CRISP3: variants seen among roughly 807,000 people sequenced by gnomAD.
The protein encoded by CRISP3 is cysteine rich secretory protein 3.
In CRISP3, 33 loss-of-function variants were observed where a neutral mutation model predicts 36.1. The ratio of observed to expected loss-of-function variants is 0.91; its 90% confidence interval spans 0.69 to 1.22. CRISP3 has a LOEUF of 1.22. Among genes scored for constraint, CRISP3 ranks in the 50% most tolerant of loss-of-function variants. The probability of loss-of-function intolerance (pLI) is 0.00; values close to 1 mark genes in which losing one functional copy is unlikely to be tolerated. For synonymous variants in CRISP3, 117 were observed against 104.6 expected, an observed-to-expected ratio of 1.12 and a Z score of -0.72; for missense variants, 330 against 301.2, an observed-to-expected ratio of 1.10 and a Z score of -0.71.
rs1221721186 is a variant in CRISP3 at position 49,728,580 on chromosome 6, C to T, written c.*150G>A. 5.1e-6 allele frequency: 3 copies of T among 591,560 alleles called. No homozygotes were observed. In the East Asian group the frequency reaches 9.7e-5, roughly 19 times the overall value. 36.6% of individuals were successfully genotyped at this position (591,560 alleles called of 1,614,324 possible). A position where few individuals can be genotyped will look rare whatever the true frequency, so the allele number is the denominator to read the frequency against. On this transcript the variant is annotated 3_prime_UTR_variant, in exon 8 of 8. Coordinates refer to ENST00000263045, the MANE Select transcript of CRISP3 (RefSeq NM_006061.4). Reference sequence around the variant, plus strand: ...AAAAATATTTTTGTAAAATAAAAAGCAGATCCAGAAGAAAAACATTTGAAA... The same window carrying T: ...AAAAATATTTTTGTAAAATAAAAAGTAGATCCAGAAGAAAAACATTTGAAA...
intron 1 of CRISP3, 128 bp from the exon 2 acceptor site, chr6:49,737,526 G>A (rs1769089128): frequency 1.1e-6 from 1 of 944,354 alleles, no homozygotes; most frequent in African/African-American, 1.6e-5. Flanking sequence ...TGTAACAGGA[G>A]AAGACTTGTC....
chr6:49,744,193 A>C, intron 1 of CRISP3, 138 bp downstream of exon 1: 1 of 565,168 alleles, frequency 1.8e-6, no homozygotes, highest in Non-Finnish European at 2.9e-6. Flanking sequence ...AATTACTCTC[A>C]TTAAAAGTTA....
At position 49,733,227 on chromosome 6, in the gene CRISP3, T is replaced by G. The variant is rs1352100458; in HGVS notation, c.528A>C (p.Leu176=). The G allele has an allele frequency of 6.2e-7, 1 of 1,610,352 alleles. No individual in the cohort carries two copies. Among genetic ancestry groups the G allele is most frequent in the Admixed American group, 1.7e-5 (1 of 59,718 alleles). Residue 176 remains leucine (L), a synonymous_variant, in exon 6 of 8, where the codon CTA becomes CTC. Transcript: ENST00000263045. ...AATATTGGCAAACATAGTAGTATTT[T>G]AGAACTTTTTGATTGGGACAGTAGG... The part of the protein sequence containing the change: ...GNAYCPNQKV[L]KYYYVCQYCP...
chr6:49,735,704 G>T, intron 3 of CRISP3, 113 bp from the exon 4 acceptor site: 1 of 666,276 alleles, frequency 1.5e-6, no homozygotes, highest in South Asian at 2.1e-5. Context: ...TTCTGTACAA[G>T]CATCTTCTGA....
chr6:49,735,677 T>TA, intron 3 of CRISP3, 86 bp from the exon 4 acceptor site: 1 of 914,626 alleles, frequency 1.1e-6, no homozygotes, highest in Non-Finnish European at 1.7e-6. Flanking sequence ...ATAGGTTGAT[T>TA]TACATCATCA....
rs113739949 is a variant in CRISP3, at chr6:49,738,475, T to C, written c.38-1077A>G. Among the ~76,000 whole-genome samples the C allele has an allele frequency of 6.3e-3, 961 of 152,274 alleles. 6 individuals carry two copies. Among genetic ancestry groups the C allele is most frequent in the African/African-American group, 0.021 (873 of 41,558 alleles). On this transcript the variant is annotated intron_variant, in intron 1 of 7. Transcript: ENST00000263045. ...GAACAAATAGTATATGGTAGATCCT[T>C]AGCCTTCTGATTTGGACTGAACGTT...
chr6:49,734,730 A>G (rs1364601422), intron 4 of CRISP3, among the ~76,000 whole-genome samples: 1 of 152,164 alleles, frequency 6.6e-6, no homozygotes, highest in Non-Finnish European at 1.5e-5. Flanking sequence ...TATAGATAAC[A>G]GTGGCTGTCC....
intron 1 of CRISP3, among the ~76,000 whole-genome samples, chr6:49,743,131 TAA>T (rs905746135): frequency 1.1e-4 from 16 of 152,238 alleles, no homozygotes; most frequent in African/African-American, 3.6e-4. Context: ...AAGAAATTCG[TAA>T]AGATATCCAA....
Position 49,735,505 on chromosome 6 carries a change from T to A in CRISP3, c.315A>T (p.Thr105=). ...YRHSNPKDRM[T]SLKCGENLYM... Reference sequence around the variant, plus strand: ...ACAAATATTTCCTAATTTACATACTTGTCATTCGATCCTTTGGGTTACTGT... The same window carrying A: ...ACAAATATTTCCTAATTTACATACTAGTCATTCGATCCTTTGGGTTACTGT... Residue 105 remains threonine, a splice_region_variant and synonymous_variant, in exon 4 of 8, where the codon ACA becomes ACT. Coordinates refer to ENST00000263045, the MANE Select transcript of CRISP3 (RefSeq NM_006061.4). 1.2e-6 allele frequency: 2 copies of A among 1,603,282 alleles called. No homozygotes were observed. The highest frequency in any genetic ancestry group is 1.7e-6 in the Non-Finnish European group (2 of 1,172,252).
At chr6:49,729,127 T>C (rs1768851862) in intron 7 of CRISP3, among the ~76,000 whole-genome samples, 1 of 152,164 alleles carries the variant, frequency 6.6e-6, no homozygotes, top group Admixed American at 6.5e-5. Context: ...TAAAATTAAT[T>C]TAAATGAATT....
intron 6 of CRISP3, among the ~76,000 whole-genome samples, chr6:49,732,942 G>T (rs1478548189): frequency 1.3e-5 from 2 of 152,142 alleles, no homozygotes. Context: ...CGTGAGCATA[G>T]CAAAAGGCAA....
chr6:49,739,553 G>A (rs1769146442), intron 1 of CRISP3, among the ~76,000 whole-genome samples: 1 of 152,124 alleles, frequency 6.6e-6, no homozygotes, highest in African/African-American at 2.4e-5. Flanking sequence ...ACAATTCAGG[G>A]CTCAGGGAGT....
At chr6:49,734,252 T>C (rs1768987585) in intron 4 of CRISP3, among the ~76,000 whole-genome samples, 1 of 152,182 alleles carries the variant, frequency 6.6e-6, no homozygotes, top group Non-Finnish European at 1.5e-5. Flanking sequence ...CTCTAGCCCA[T>C]ACTCACCAGA....
intron 7 of CRISP3, among the ~76,000 whole-genome samples, chr6:49,729,408 A>G (rs77510514): frequency 0.19 from 28,603 of 152,002 alleles, 2,935 homozygotes; most frequent in Admixed American, 0.32. Context: ...CTAGGTAATT[A>G]TTATAGGAAG....
chr6:49,738,257 A>T (rs1769110287), intron 1 of CRISP3, among the ~76,000 whole-genome samples: 1 of 152,214 alleles, frequency 6.6e-6, no homozygotes, highest in African/African-American at 2.4e-5. Flanking sequence ...TCATCATGTT[A>T]TCATTTATAA....
At position 49,741,129 on chromosome 6, in the gene CRISP3, A is replaced by C. The variant is rs567430318; in HGVS notation, c.37+3202T>G. Among the ~76,000 whole-genome samples, 98 of 91,264 alleles carry C rather than the reference A, an allele frequency of 1.1e-3. 1 individual carries two copies. The South Asian group carries it at 0.02, about 19-fold the overall frequency. The allele number at this position is 91,264 out of a possible 152,430, so 59.9% of individuals were successfully genotyped here. A position where few individuals can be genotyped will look rare whatever the true frequency, so the allele number is the denominator to read the frequency against. Reference sequence around the variant, plus strand: ...AAAAACAAAAAACAAACAAACAAAAAAAACAAACAAAAAAAAACCACCAAA... The same window carrying C: ...AAAAACAAAAAACAAACAAACAAAACAAACAAACAAAAAAAAACCACCAAA... On this transcript the variant is annotated intron_variant, in intron 1 of 7. Transcript: ENST00000263045.
At chr6:49,729,325 T>C (rs2127449771) in intron 7 of CRISP3, among the ~76,000 whole-genome samples, 1 of 152,298 alleles carries the variant, frequency 6.6e-6, no homozygotes, top group African/African-American at 2.4e-5. Context: ...ATATTGAACA[T>C]CTTCATCACT....
At chr6:49,743,674 T>C (rs528805000) in intron 1 of CRISP3, among the ~76,000 whole-genome samples, 1 of 152,288 alleles carries the variant, frequency 6.6e-6, no homozygotes, top group African/African-American at 2.4e-5. Flanking sequence ...AAGCCGTATG[T>C]GGAAATTGCT....
chr6:49,728,690 A>T lies in CRISP3; in HGVS notation c.*40T>A. On this transcript the variant is annotated 3_prime_UTR_variant, in exon 8 of 8. Transcript: ENST00000263045. The stretch of plus-strand genomic sequence containing the variant: ...ATGCCAAATCTAAGTAGATAATCTG[A>T]CTCCTCTCTACATAGCCCTACTCGG... The T allele has an allele frequency of 2.0e-6, 3 of 1,512,402 alleles. No individual in the cohort carries two copies. In the East Asian group the frequency reaches 7.2e-5, roughly 37 times the overall value. The allele number at this position is 1,512,402 out of a possible 1,614,324, so 93.7% of individuals were successfully genotyped here.
Sources: allele counts gnomAD v4.1 joint callset (sites outside exome capture counted in the v4.1 genomes callset), GRCh38; gene constraint gnomAD v4.1.1; transcripts MANE v1.5; gene names NCBI Gene and HGNC (gene_info 2026-07-23, HGNC 2026-07-21).